The following ZIC3 variants were observed in gnomAD, a reference collection of about 807,000 sequenced individuals.
ZIC3 encodes zinc finger protein ZIC 3.
In ZIC3, 6 loss-of-function variants were observed where a neutral mutation model predicts 18.3. The ratio of observed to expected loss-of-function variants is 0.33; its 90% CI spans 0.18 to 0.65. The LOEUF is 0.65. Among genes scored for constraint, ZIC3 ranks in the 30% least tolerant of loss-of-function variants. The pLI, the probability that ZIC3 is intolerant of heterozygous loss-of-function variation, is 0.75. For missense variants in ZIC3, 260 were observed against 410.0 expected (o/e 0.63, Z 3.16); for synonymous variants, 175 against 177.0 (o/e 0.99, Z 0.09).
At chrX:137,569,864 A>G in intron 2 of ZIC3, 27 bp from the exon 3 acceptor site, 1 of 1,183,343 alleles carries the variant, frequency 8.5e-7, no homozygotes, top group Non-Finnish European at 1.1e-6. Flanking sequence ...AATTATATTC[A>G]TTATAATATA....
chrX:137,567,377 A>G lies in ZIC3; in HGVS notation c.686A>G (p.Asn229Ser), dbSNP rs771246553. The G allele has an allele frequency of 4.1e-6, 5 of 1,211,383 alleles. No individual in the cohort carries two copies. Among genetic ancestry groups the G allele is most frequent in the South Asian group, 3.5e-5 (2 of 57,004 alleles). Reference protein sequence around the residue: ...YSPMNMNMGVNVAAHHGPGAF... With the variant: ...YSPMNMNMGVSVAAHHGPGAF... ...CCCATGAACATGAACATGGGAGTGAACGTGGCGGCCCACCACGGGCCCGGC... is the reference window on the plus strand; with the variant it reads ...CCCATGAACATGAACATGGGAGTGAGCGTGGCGGCCCACCACGGGCCCGGC... The change falls in exon 1 of 3, where the codon AAC becomes AGC. Residue 229 changes from asparagine to serine, a missense_variant. Around this residue, in one of 4 missense-constraint regions of ZIC3, gnomAD observed 183 missense variants for 223.8 expected, o/e 0.82. Coordinates refer to ENST00000287538, the MANE Select transcript of ZIC3 (RefSeq NM_003413.4).
In ZIC3 at chrX:137,567,186, G is replaced by T. The variant is rs772542926; in HGVS notation, c.495G>T (p.Leu165=). The T allele has an allele frequency of 7.5e-6, 9 of 1,207,536 alleles. No homozygotes were observed. Among genetic ancestry groups the T allele is most frequent in the Non-Finnish European group, 1.0e-5 (9 of 893,478 alleles). ...EPPSYLLFPG[L]HEQGAGHPSP... Reference sequence around the variant, plus strand: ...CTAGCTACTTGCTGTTTCCCGGGCTGCATGAGCAGGGCGCTGGGCACCCGT... The same window carrying T: ...CTAGCTACTTGCTGTTTCCCGGGCTTCATGAGCAGGGCGCTGGGCACCCGT... The change falls in exon 1 of 3, where the codon CTG becomes CTT. Residue 165 remains leucine (L), a synonymous_variant. Transcript: ENST00000287538.
downstream of ZIC3, among the ~76,000 whole-genome samples, chrX:137,574,512 C>G (rs982389742): frequency 1.4e-4 from 16 of 113,530 alleles, no homozygotes; most frequent in Non-Finnish European, 2.8e-4. Context: ...CCCGCTTCCC[C>G]GTGGCTCCGG....
downstream of ZIC3, among the ~76,000 whole-genome samples, chrX:137,574,975 G>A (rs1476747383): frequency 8.9e-6 from 1 of 111,889 alleles, no homozygotes; most frequent in Non-Finnish European, 1.9e-5. Flanking sequence ...TGTGCTTTTT[G>A]GGTTTGGGGT....
Position 137,567,271 on chromosome X carries a change from G to C in ZIC3, c.580G>C (p.Gly194Arg), listed in dbSNP as rs1420393507. ...VHLGLRGELFGRADPYRPVAS... is the reference protein window; with the variant it reads ...VHLGLRGELFRRADPYRPVAS... ...CCTGGGGCTGCGTGGGGAGCTGTTC[G>C]GCCGTGCTGACCCATACCGCCCAGT... Residue 194 changes from glycine to arginine, a missense_variant, in exon 1 of 3, where the codon GGC becomes CGC. This residue lies in a region of ZIC3 where 183 missense variants were observed against 223.8 expected (regional missense o/e 0.82). Transcript: ENST00000287538. 4 of 1,211,397 alleles carry C rather than the reference G, an allele frequency of 3.3e-6. No homozygotes were observed. Among genetic ancestry groups the C allele is most frequent in the Non-Finnish European group, 4.5e-6 (4 of 895,536 alleles).
Position 137,567,084 on chromosome X carries a change from C to T in ZIC3, c.393C>T (p.Ala131=), listed in dbSNP as rs1254875121. ...GCAGCTCCGGGCTCAGTGAGGCGGC[C>T]TCGGGTGGCGGGCAGCACGGGCTCT... ...RQRSSGLSEA[A]SGGGQHGLFA... is the part of the protein sequence containing the mutation. Residue 131 remains alanine, a synonymous_variant, in exon 1 of 3, where the codon GCC becomes GCT. Transcript: ENST00000287538. 6 of 1,194,587 alleles carry T rather than the reference C, an allele frequency of 5.0e-6. No homozygotes were observed. Among genetic ancestry groups the T allele is most frequent in the Non-Finnish European group, 6.8e-6 (6 of 887,603 alleles).
chrX:137,568,870 T>TTTTA lies in ZIC3; in HGVS notation c.1061-31_1061-28dup, dbSNP rs749100944. The TTTTA allele has an allele frequency of 6.6e-6, 8 of 1,206,581 alleles. No homozygotes were observed. In the African/African-American group the frequency reaches 1.2e-4, roughly 19 times the overall value. ...CTGAGAAACTCCGGCGCTGACCGTA[T>TTTTA]TTTACCCCCCTTGGGTTTTTGCCTT... On this transcript the variant is annotated intron_variant, in intron 1 of 2. Transcript: ENST00000287538.
chrX:137,571,914 G>A lies in ZIC3; in HGVS notation c.*1844G>A, dbSNP rs1282048725. ...ATCTCTGCATGAATAACAGAAAGGT[G>A]GACATAAGGAATTGTAAAGTATTTA... On this transcript the variant is annotated 3_prime_UTR_variant, in exon 3 of 3. Transcript: ENST00000287538. Among the ~76,000 whole-genome samples, 1 of 111,750 alleles carries A rather than the reference G, an allele frequency of 8.9e-6. No individual in the cohort carries two copies. The highest frequency in any genetic ancestry group is 1.9e-5 in the Non-Finnish European group (1 of 53,107).
chrX:137,569,132 G>A (rs1277667729), intron 2 of ZIC3, 67 bp downstream of exon 2: 2 of 1,129,443 alleles, frequency 1.8e-6, no homozygotes, highest in African/African-American at 1.8e-5. Flanking sequence ...CCGCGGAACG[G>A]AAGCGCCCGC....
At position 137,566,594 on chromosome X, in the gene ZIC3, C is replaced by T. The variant is rs1931343247; in HGVS notation, c.-98C>T. On this transcript the variant is annotated 5_prime_UTR_variant, in exon 1 of 3. Coordinates refer to ENST00000287538, the MANE Select transcript of ZIC3 (RefSeq NM_003413.4). ...GGGTCTCCCCGCAGTGTCCAACCGCCGCCACCCCTTTCCGACTACGGCACT... is the reference window on the plus strand; with the variant it reads ...GGGTCTCCCCGCAGTGTCCAACCGCTGCCACCCCTTTCCGACTACGGCACT... 2 of 1,152,548 alleles carry T rather than the reference C, an allele frequency of 1.7e-6. No individual in the cohort carries two copies. The allele number at this position is 1,152,548 out of a possible 1,213,427, so 95.0% of individuals were successfully genotyped here. A position where few individuals can be genotyped will look rare whatever the true frequency, so the allele number is the denominator to read the frequency against.
At chrX:137,567,974 A>G (rs772133917) in intron 1 of ZIC3, among the ~76,000 whole-genome samples, 21 of 113,223 alleles carry the variant, frequency 1.9e-4, no homozygotes, top group Non-Finnish European at 3.7e-4. Flanking sequence ...CTGCGGTCTC[A>G]GGAACTAATT....
Position 137,566,567 on chromosome X carries a change from G to A in ZIC3, c.-125G>A. 2 of 1,103,205 alleles carry A rather than the reference G, an allele frequency of 1.8e-6. No individual in the cohort carries two copies. Among genetic ancestry groups the A allele is most frequent in the Non-Finnish European group, 2.4e-6 (2 of 834,362 alleles). 90.9% of individuals were successfully genotyped at this position (1,103,205 alleles called of 1,213,427 possible). ...AAGTTGCAGCCCCTGGTAGCGCCTT[G>A]GGGGTCTCCCCGCAGTGTCCAACCG... On this transcript the variant is annotated 5_prime_UTR_variant, in exon 1 of 3. Transcript: ENST00000287538.
At position 137,568,882 on chromosome X, in the gene ZIC3, T is replaced by G; in HGVS notation, c.1061-20T>G. On this transcript the variant is annotated intron_variant, in intron 1 of 2. Coordinates refer to ENST00000287538, the MANE Select transcript of ZIC3 (RefSeq NM_003413.4). Reference sequence around the variant, plus strand: ...GGCGCTGACCGTATTTTACCCCCCTTGGGTTTTTGCCTTTTGCAGGTGAGA... The same window carrying G: ...GGCGCTGACCGTATTTTACCCCCCTGGGGTTTTTGCCTTTTGCAGGTGAGA... 8.3e-7 allele frequency: 1 copy of G among 1,209,859 alleles called. No homozygotes were observed. The highest frequency in any genetic ancestry group is 1.1e-6 in the Non-Finnish European group (1 of 894,564).
At chrX:137,572,357 A>G (rs920243335), downstream of ZIC3, among the ~76,000 whole-genome samples, 1 of 111,982 alleles carries the variant, frequency 8.9e-6, no homozygotes, top group Non-Finnish European at 1.9e-5. Context: ...ACCAATATCC[A>G]AGCCTGAATG....
intron 2 of ZIC3, chrX:137,577,110 T>C: frequency 2.0e-6 from 1 of 509,493 alleles, no homozygotes; most frequent in Non-Finnish European, 3.6e-6. Flanking sequence ...TCACTTTTTG[T>C]TTTTTTGCCA....
downstream of ZIC3, among the ~76,000 whole-genome samples, chrX:137,575,924 C>G (rs1931508770): frequency 8.9e-6 from 1 of 112,359 alleles, no homozygotes; most frequent in Non-Finnish European, 1.9e-5. Context: ...ATTGGAAACC[C>G]ATGGGCAATT....
chrX:137,566,541 A>G lies in ZIC3; in HGVS notation c.-151A>G. ...CTGCAGGAGACTCTTGCAGTGACGG[A>G]AAGTTGCAGCCCCTGGTAGCGCCTT... On this transcript the variant is annotated 5_prime_UTR_variant, in exon 1 of 3. Coordinates refer to ENST00000287538, the MANE Select transcript of ZIC3 (RefSeq NM_003413.4). 4.6e-6 allele frequency: 4 copies of G among 876,460 alleles called. No individual in the cohort carries two copies. Among genetic ancestry groups the G allele is most frequent in the Non-Finnish European group, 6.0e-6 (4 of 670,750 alleles). 72.2% of individuals were successfully genotyped at this position (876,460 alleles called of 1,213,427 possible). A position where few individuals can be genotyped will look rare whatever the true frequency, so the allele number is the denominator to read the frequency against.
Position 137,566,492 on chromosome X carries a change from C to T in ZIC3, c.-200C>T. 4.7e-6 allele frequency: 1 copy of T among 212,522 alleles called. No individual in the cohort carries two copies. 17.5% of individuals were successfully genotyped at this position (212,522 alleles called of 1,213,427 possible). ...CGCCAACACCCCCTCCCTGCTCTTT[C>T]TTCCCCTCCTCCCTCCTATCCCTCT... On this transcript the variant is annotated 5_prime_UTR_variant, in exon 1 of 3. Coordinates refer to ENST00000287538, the MANE Select transcript of ZIC3 (RefSeq NM_003413.4).
chrX:137,566,588 A>C lies in ZIC3; in HGVS notation c.-104A>C. On this transcript the variant is annotated 5_prime_UTR_variant, in exon 1 of 3. Transcript: ENST00000287538. ...CCTTGGGGGTCTCCCCGCAGTGTCC[A>C]ACCGCCGCCACCCCTTTCCGACTAC... 11 of 1,146,064 alleles carry C rather than the reference A, an allele frequency of 9.6e-6. No homozygotes were observed. Among genetic ancestry groups the C allele is most frequent in the Non-Finnish European group, 1.0e-5 (9 of 866,786 alleles). 94.4% of individuals were successfully genotyped at this position (1,146,064 alleles called of 1,213,427 possible).
Sources: allele counts gnomAD v4.1 joint callset (sites outside exome capture counted in the v4.1 genomes callset), GRCh38; gene constraint gnomAD v4.1.1; regional missense constraint gnomAD v4.1.1; transcripts MANE v1.5; gene names NCBI Gene and HGNC (gene_info 2026-07-23, HGNC 2026-07-21).